The following B9D2 variants were observed in gnomAD, a reference collection of about 807,000 sequenced individuals.
The protein encoded by B9D2 is B9 domain-containing protein 2.
In B9D2, 21 loss-of-function variants were observed where a neutral mutation model predicts 19.2. The ratio of observed to expected loss-of-function variants is 1.09; its 90% CI spans 0.78 to 1.58. The LOEUF (loss-of-function observed/expected upper bound fraction) is 1.58, where lower values mean the gene tolerates loss of function less well. Ranked by LOEUF, B9D2 falls within the 40% of genes most tolerant of loss-of-function variation. B9D2 has a pLI of 0.00. For missense variants in B9D2, 221 were observed against 244.3 expected (o/e 0.90, Z 0.64); for synonymous variants, 91 against 100.6 (o/e 0.90, Z 0.57).
Position 41,355,119 on chromosome 19 carries a change from C to T in B9D2, c.215-106G>A, listed in dbSNP as rs2038291722. The T allele has an allele frequency of 2.5e-6, 3 of 1,207,408 alleles. No homozygotes were observed. In the East Asian group the frequency reaches 7.7e-5, roughly 31 times the overall value. The allele number at this position is 1,207,408 out of a possible 1,614,324, so 74.8% of individuals were successfully genotyped here. Reference sequence around the variant, plus strand: ...TGGAGACCCCAGGCCCAGTCTTTTCCTCTCTGGGTTTCTGTCCCAGAGTTT... The same window carrying T: ...TGGAGACCCCAGGCCCAGTCTTTTCTTCTCTGGGTTTCTGTCCCAGAGTTT... On this transcript the variant is annotated intron_variant, in intron 3 of 3. Coordinates refer to ENST00000243578, the MANE Select transcript of B9D2 (RefSeq NM_030578.4).
intron 2 of B9D2, chr19:41,362,925 T>C (rs1275940168): frequency 1.4e-5 from 3 of 209,388 alleles, no homozygotes; most frequent in South Asian, 1.3e-4. Flanking sequence ...CATGACTCTA[T>C]AGGGCCTCAG....
At chr19:41,355,956 C>T (rs2038306274) in intron 3 of B9D2, among the ~76,000 whole-genome samples, 1 of 152,188 alleles carries the variant, frequency 6.6e-6, no homozygotes, top group Non-Finnish European at 1.5e-5. Flanking sequence ...GAGGGAACAG[C>T]AAGTGCCAAG....
rs1285481856 is a variant in B9D2 at position 41,358,038 on chromosome 19, G to A, written c.89-16C>T. 1.2e-6 allele frequency: 2 copies of A among 1,613,980 alleles called. No individual in the cohort carries two copies. The highest frequency in any genetic ancestry group is 2.2e-5 in the East Asian group (1 of 44,866). On this transcript the variant is annotated splice_polypyrimidine_tract_variant and intron_variant, in intron 2 of 3. Transcript: ENST00000243578. Reference sequence around the variant, plus strand: ...CATGCCGCCCCTGCAGTGAGAGCCGGGACATAGAGGGGTGGGAGGCAGCCA... The same window carrying A: ...CATGCCGCCCCTGCAGTGAGAGCCGAGACATAGAGGGGTGGGAGGCAGCCA...
At chr19:41,358,080 G>C (rs1053043709) in intron 2 of B9D2, 58 bp from the exon 3 acceptor site, 28 of 1,608,436 alleles carry the variant, frequency 1.7e-5, no homozygotes, top group Non-Finnish European at 2.4e-5. Context: ...AGGGGATGCC[G>C]CTGTGGCTAT....
In B9D2 at chr19:41,364,002, G is replaced by A. The variant is rs1295714684; in HGVS notation, c.-49C>T. On this transcript the variant is annotated 5_prime_UTR_variant, in exon 1 of 4. Transcript: ENST00000243578. ...AGGAGAGGAGAAAGCGGCAACCGGG[G>A]TTGTAGTTCATGGGCTTGACTGCTT... The A allele has an allele frequency of 4.8e-6, 1 of 208,590 alleles. No individual in the cohort carries two copies. The highest frequency in any genetic ancestry group is 5.3e-5 in the Admixed American group (1 of 18,932). The allele number at this position is 208,590 out of a possible 1,614,324, so 12.9% of individuals were successfully genotyped here.
chr19:41,355,088 A>C lies in B9D2; in HGVS notation c.215-75T>G, dbSNP rs2123126308. 3 of 1,379,476 alleles carry C rather than the reference A, an allele frequency of 2.2e-6. 1 individual carries two copies. Among genetic ancestry groups the C allele is most frequent in the South Asian group, 1.4e-5 (1 of 69,372 alleles). The allele number at this position is 1,379,476 out of a possible 1,614,324, so 85.5% of individuals were successfully genotyped here. A position where few individuals can be genotyped will look rare whatever the true frequency, so the allele number is the denominator to read the frequency against. On this transcript the variant is annotated intron_variant, in intron 3 of 3. Transcript: ENST00000243578. ...TCCTGCTGATTCCCCACTCCCTGAT[A>C]CTCACTGGAGACCCCAGGCCCAGTC...
intron 2 of B9D2, 72 bp from the exon 3 acceptor site, chr19:41,358,094 A>G: frequency 6.3e-7 from 1 of 1,594,568 alleles, no homozygotes; most frequent in Non-Finnish European, 8.6e-7. Flanking sequence ...TGGCTATAGG[A>G]CTGTTTCTCT....
intron 3 of B9D2, among the ~76,000 whole-genome samples, chr19:41,355,973 G>T (rs558859514): frequency 1.3e-5 from 2 of 152,158 alleles, no homozygotes; most frequent in African/African-American, 4.8e-5. Flanking sequence ...CAAGGCCCTG[G>T]GGGGGGACTG....
At chr19:41,360,088 A>G (rs1226169067) in intron 2 of B9D2, among the ~76,000 whole-genome samples, 2 of 149,366 alleles carry the variant, frequency 1.3e-5, no homozygotes, top group Non-Finnish European at 3.0e-5. Flanking sequence ...GTTCTCCCTG[A>G]CCCTCTTCAC....
Position 41,357,955 on chromosome 19 carries a change from C to T in B9D2, c.156G>A (p.Gly52=). 6.2e-7 allele frequency: 1 copy of T among 1,614,074 alleles called. No homozygotes were observed. Among genetic ancestry groups the T allele is most frequent in the Non-Finnish European group, 8.5e-7 (1 of 1,179,968 alleles). The change falls in exon 3 of 4, where the codon GGG becomes GGA. Residue 52 remains glycine, a synonymous_variant. Transcript: ENST00000243578. ...TGGGGTGGGACCAGTAAGCCATGTC[C>T]CCTATCTGCGGGGTGTCCACTTGCG... is the stretch of plus-strand genomic sequence containing the variant. ...GQTQVDTPQI[G]DMAYWSHPID... is the part of the protein sequence containing the mutation.
At chr19:41,360,522 T>A (rs927521903) in intron 2 of B9D2, among the ~76,000 whole-genome samples, 1 of 151,966 alleles carries the variant, frequency 6.6e-6, no homozygotes, top group Non-Finnish European at 1.5e-5. Context: ...TATTTTTTTT[T>A]GAGACAGACT....
In B9D2 at chr19:41,354,883, G is replaced by A. The variant is rs1191398185; in HGVS notation, c.345C>T (p.Pro115=). 4 of 1,613,640 alleles carry A rather than the reference G, an allele frequency of 2.5e-6. No homozygotes were observed. Among genetic ancestry groups the A allele is most frequent in the Non-Finnish European group, 2.5e-6 (3 of 1,179,940 alleles). ...CCAACTGTTCTCGCCAACTGCCCAG[G>A]GGCCGCCACGTGGGGCAGGCCAGCT... The part of the protein sequence containing the change: ...THQLACPTWR[P]LGSWREQLAR... Residue 115 remains proline (P), a synonymous_variant, in exon 4 of 4, where the codon CCC becomes CCT. Transcript: ENST00000243578.
chr19:41,357,918 A>G lies in B9D2; in HGVS notation c.193T>C (p.Phe65Leu), dbSNP rs1175234836. 1.2e-6 allele frequency: 2 copies of G among 1,614,000 alleles called. No individual in the cohort carries two copies. Among genetic ancestry groups the G allele is most frequent in the African/African-American group, 2.7e-5 (2 of 74,918 alleles). The change falls in exon 3 of 4, where the codon TTC (phenylalanine) becomes CTC (leucine). Residue 65 changes from phenylalanine (F) to leucine (L), a missense_variant. Transcript: ENST00000243578. ...AYWSHPIDLHFATKGLQGWPR... is the reference protein window; with the variant it reads ...AYWSHPIDLHLATKGLQGWPR... ...CCACCTTGAAGACCTTTGGTGGCGA[A>G]GTGCAGGTCGATGGGGTGGGACCAG...
chr19:41,363,888 A>C, intron 1 of B9D2, 70 bp downstream of exon 1: 1 of 489,892 alleles, frequency 2.0e-6, no homozygotes, highest in Non-Finnish European at 3.7e-6. Flanking sequence ...AAGCTCCATA[A>C]GGCGCATGCG....
intron 2 of B9D2, among the ~76,000 whole-genome samples, chr19:41,358,963 G>A (rs568235061): frequency 5.3e-5 from 8 of 152,150 alleles, no homozygotes; most frequent in African/African-American, 1.9e-4. Context: ...TGGCCAACAT[G>A]GCAAAACCTC....
At chr19:41,356,131 C>A (rs967252543) in intron 3 of B9D2, among the ~76,000 whole-genome samples, 1 of 152,084 alleles carries the variant, frequency 6.6e-6, no homozygotes, top group African/African-American at 2.4e-5. Flanking sequence ...ATGGCTTTCA[C>A]CCTGAGTGAG....
At chr19:41,363,889 G>A (rs2038460331) in intron 1 of B9D2, 69 bp downstream of exon 1, 2 of 487,654 alleles carry the variant, frequency 4.1e-6, no homozygotes, top group East Asian at 3.9e-5. Context: ...AGCTCCATAA[G>A]GCGCATGCGT....
In B9D2 at chr19:41,354,593, G is replaced by C; in HGVS notation, c.*107C>G. ...GAAGCGGTGCCATGCCTTAGCTGGGGTCAGCTCTGACAGTCTCTAGAGTCT... is the reference window on the plus strand; with the variant it reads ...GAAGCGGTGCCATGCCTTAGCTGGGCTCAGCTCTGACAGTCTCTAGAGTCT... On this transcript the variant is annotated 3_prime_UTR_variant, in exon 4 of 4. Coordinates refer to ENST00000243578, the MANE Select transcript of B9D2 (RefSeq NM_030578.4). The C allele has an allele frequency of 2.1e-6, 3 of 1,442,298 alleles. No homozygotes were observed. The highest frequency in any genetic ancestry group is 1.2e-5 in the South Asian group (1 of 84,412). 89.3% of individuals were successfully genotyped at this position (1,442,298 alleles called of 1,614,324 possible).
At position 41,354,526 on chromosome 19, in the gene B9D2, G is replaced by A; in HGVS notation, c.*174C>T. Reference sequence around the variant, plus strand: ...TTTACTGTCCCCAATTTACAGATAGGGAAACTGGGCCCAGAGGGACCCCGA... The same window carrying A: ...TTTACTGTCCCCAATTTACAGATAGAGAAACTGGGCCCAGAGGGACCCCGA... On this transcript the variant is annotated 3_prime_UTR_variant, in exon 4 of 4. Coordinates refer to ENST00000243578, the MANE Select transcript of B9D2 (RefSeq NM_030578.4). The A allele has an allele frequency of 1.2e-6, 1 of 814,166 alleles. No individual in the cohort carries two copies. The highest frequency in any genetic ancestry group is 2.2e-5 in the Admixed American group (1 of 45,914). The allele number at this position is 814,166 out of a possible 1,614,324, so 50.4% of individuals were successfully genotyped here.
Sources: allele counts gnomAD v4.1 joint callset (sites outside exome capture counted in the v4.1 genomes callset), GRCh38; gene constraint gnomAD v4.1.1; transcripts MANE v1.5; gene names NCBI Gene and HGNC (gene_info 2026-07-23, HGNC 2026-07-21).